SPECC1: variants seen among roughly 807,000 people sequenced by gnomAD.
SPECC1 encodes cytospin-B.
SPECC1 carries 62 observed loss-of-function variants against 104.1 expected under a neutral mutation model. The observed-to-expected ratio is 0.60, with a 90% CI of 0.49 to 0.74. The LOEUF is 0.74. Among genes scored for constraint, SPECC1 ranks in the 30% least tolerant of loss-of-function variants. The pLI, the probability that SPECC1 is intolerant of heterozygous loss-of-function variation, is 0.00. For missense variants in SPECC1, 1,306 were observed against 1,310.5 expected (o/e 1.00, Z 0.05); for synonymous variants, 513 against 501.6 (o/e 1.02, Z -0.30).
chr17:20,131,994 C>T (rs2049668774), intron 3 of SPECC1, among the ~76,000 whole-genome samples: 1 of 152,146 alleles, frequency 6.6e-6, no homozygotes, highest in African/African-American at 2.4e-5. Context: ...TGTTAGCTTT[C>T]GGGAGTTTCT....
In SPECC1 at chr17:20,296,897, C is replaced by T. The variant is rs572507797; in HGVS notation, c.2941-64C>T. ...TAGATTCCCATCTTATCACAATCTTCCTCATCTGTGATACTGCACAGTTTG... is the reference window on the plus strand; with the variant it reads ...TAGATTCCCATCTTATCACAATCTTTCTCATCTGTGATACTGCACAGTTTG... On this transcript the variant is annotated intron_variant, in intron 12 of 14. Transcript: ENST00000395527. The T allele has an allele frequency of 4.7e-5, 67 of 1,414,448 alleles. No individual in the cohort carries two copies. The South Asian group carries it at 6.9e-4, about 15-fold the overall frequency. The allele number at this position is 1,414,448 out of a possible 1,614,324, so 87.6% of individuals were successfully genotyped here.
chr17:20,102,211 T>A lies in SPECC1; in HGVS notation c.147+5413T>A, dbSNP rs577282307. Among the ~76,000 whole-genome samples, 6 of 152,344 alleles carry A rather than the reference T, an allele frequency of 3.9e-5. No homozygotes were observed. The East Asian group carries it at 1.2e-3, about 29-fold the overall frequency. On this transcript the variant is annotated intron_variant, in intron 2 of 14. Coordinates refer to ENST00000395527, the MANE Select transcript of SPECC1 (RefSeq NM_001243439.2). ...AGACTGGTAGCTTTCCTTTTGATGT[T>A]GCATCCAAAAAGCAGTGACAAAGTA...
chr17:20,053,996 C>A (rs957080195), intron 1 of SPECC1, among the ~76,000 whole-genome samples: 6 of 152,220 alleles, frequency 3.9e-5, no homozygotes, highest in African/African-American at 9.6e-5. Context: ...CTCCAAGATA[C>A]AACTGGTGAT....
intron 1 of SPECC1, among the ~76,000 whole-genome samples, chr17:20,022,183 C>A (rs966438357): frequency 6.6e-6 from 1 of 152,046 alleles, no homozygotes; most frequent in South Asian, 2.1e-4. Flanking sequence ...CTTCATGATC[C>A]GCCCGCCTCG....
chr17:20,182,003 TACATTTAAGTCTTAG>T (rs1434676589), intron 3 of SPECC1, among the ~76,000 whole-genome samples: 4 of 152,220 alleles, frequency 2.6e-5, no homozygotes, highest in African/African-American at 4.8e-5. Flanking sequence ...GGAAGCTCCT[TACATTTAAGTCTTAG>T]AAAGTGTCTT....
intron 3 of SPECC1, among the ~76,000 whole-genome samples, chr17:20,177,076 G>C (rs746517633): frequency 1.3e-5 from 2 of 152,198 alleles, no homozygotes; most frequent in African/African-American, 4.8e-5. Flanking sequence ...TGATAGAAGA[G>C]AGATGTTTGA....
At chr17:20,058,866 G>C (rs1469962087) in intron 1 of SPECC1, among the ~76,000 whole-genome samples, 1 of 129,774 alleles carries the variant, frequency 7.7e-6, no homozygotes, top group Non-Finnish European at 1.6e-5. Flanking sequence ...TTGAGACAGA[G>C]TATCGCTCTG....
At chr17:20,172,689 G>C (rs1161689896) in intron 3 of SPECC1, among the ~76,000 whole-genome samples, 1 of 152,184 alleles carries the variant, frequency 6.6e-6, no homozygotes, top group East Asian at 1.9e-4. Context: ...TGAAGCCAGG[G>C]GGAAGAAACA....
chr17:20,077,458 G>GGTTGTTTTT (rs2046803125), intron 1 of SPECC1, among the ~76,000 whole-genome samples: 1 of 148,680 alleles, frequency 6.7e-6, no homozygotes, highest in Non-Finnish European at 1.5e-5. Flanking sequence ...GCTTTTTTTT[G>GGTTGTTTTT]TTTGTTTGTT....
At chr17:20,257,667 T>C in intron 11 of SPECC1, 60 bp downstream of exon 11, 1 of 1,588,512 alleles carries the variant, frequency 6.3e-7, no homozygotes, top group Non-Finnish European at 8.5e-7. Context: ...CTTTTATTCT[T>C]CCTTCCGTTT....
At chr17:20,279,823 C>G (rs2040706496) in intron 12 of SPECC1, among the ~76,000 whole-genome samples, 1 of 152,198 alleles carries the variant, frequency 6.6e-6, no homozygotes, top group Non-Finnish European at 1.5e-5. Context: ...AAGACCACAA[C>G]TCCTGAACTA....
At chr17:20,173,669 A>G (rs1161141339) in intron 3 of SPECC1, among the ~76,000 whole-genome samples, 4 of 152,206 alleles carry the variant, frequency 2.6e-5, no homozygotes, top group Non-Finnish European at 5.9e-5. Context: ...CCGTGGTGAA[A>G]TGTTGGGCAT....
rs187654548 is a variant in SPECC1 at position 20,177,589 on chromosome 17, A to G, written c.284-26744A>G. Among the ~76,000 whole-genome samples the G allele has an allele frequency of 1.7e-3, 259 of 152,274 alleles. 1 individual carries two copies. Among genetic ancestry groups the G allele is most frequent in the Middle Eastern group, 0.017 (5 of 294 alleles). On this transcript the variant is annotated intron_variant, in intron 3 of 14. Transcript: ENST00000395527. ...ATTCTTTAGTTAACGGCATATCAAC[A>G]TTTCTTCATGTAATTAAATACTCTC...
chr17:20,051,918 G>A (rs752608620), intron 1 of SPECC1, among the ~76,000 whole-genome samples: 1 of 152,242 alleles, frequency 6.6e-6, no homozygotes, highest in Middle Eastern at 3.4e-3. Flanking sequence ...CTACATGCAG[G>A]TTGTGTGGCC....
intron 3 of SPECC1, among the ~76,000 whole-genome samples, chr17:20,110,941 T>C (rs1278502479): frequency 1.3e-5 from 2 of 152,132 alleles, no homozygotes; most frequent in East Asian, 3.9e-4. Context: ...GGTGGGTGTC[T>C]AATATTTGTA....
chr17:20,231,707 C>G, intron 5 of SPECC1, 51 bp from the exon 6 acceptor site: 2 of 1,570,882 alleles, frequency 1.3e-6, no homozygotes, highest in Non-Finnish European at 1.8e-6. Context: ...CGTGTCTTCT[C>G]TTAAGAGTCT....
chr17:20,110,410 C>G lies in SPECC1; in HGVS notation c.148-17C>G, dbSNP rs2048427838. The G allele has an allele frequency of 6.2e-7, 1 of 1,600,206 alleles. No individual in the cohort carries two copies. The highest frequency in any genetic ancestry group is 8.5e-7 in the Non-Finnish European group (1 of 1,171,454). ...AACCACCTCTTCATCCTCTCTCTTT[C>G]CTTCCAACTCTCTCAGCTCAAGAGG... On this transcript the variant is annotated splice_polypyrimidine_tract_variant and intron_variant, in intron 2 of 14. Transcript: ENST00000395527.
rs553235529 is a variant in SPECC1, at chr17:20,187,795, G to A, written c.284-16538G>A. 7.2e-5 allele frequency among the ~76,000 whole-genome samples: 11 copies of A among 152,292 alleles called. 1 individual carries two copies. The South Asian group carries it at 2.3e-3, about 32-fold the overall frequency. ...ACCTTGGTAAATCAGAAGCTCTCTA[G>A]GCAGTTTATCCAATGAATGGACCCC... is the stretch of plus-strand genomic sequence containing the variant. On this transcript the variant is annotated intron_variant, in intron 3 of 14. Transcript: ENST00000395527.
chr17:20,281,536 A>G (rs2040772096), intron 12 of SPECC1, among the ~76,000 whole-genome samples: 1 of 152,206 alleles, frequency 6.6e-6, no homozygotes, highest in Non-Finnish European at 1.5e-5. Flanking sequence ...CTCTACTCCC[A>G]GCCTCGAGGG....
Sources: gnomAD v4.1 joint callset for allele counts (sites outside exome capture counted in the v4.1 genomes callset) on GRCh38, gnomAD v4.1.1 for gene constraint, MANE v1.5 for transcripts, NCBI Gene and HGNC (gene_info 2026-07-23, HGNC 2026-07-21) for gene names.